TSPAN15: variants seen among roughly 807,000 people sequenced by gnomAD.
The protein encoded by TSPAN15 is tetraspanin-15.
A neutral mutation model predicts 34.5 loss-of-function variants in TSPAN15; 20 were observed. The ratio of observed to expected loss-of-function variants is 0.58; its 90% confidence interval spans 0.41 to 0.84. TSPAN15 has a LOEUF of 0.84. Ranked by LOEUF, TSPAN15 falls within the 40% of genes least tolerant of loss-of-function variation. TSPAN15 has a pLI of 0.00. For synonymous variants in TSPAN15, 155 were observed against 153.9 expected, an observed-to-expected ratio of 1.01 and a Z score of -0.05; for missense variants, 313 against 386.1, an observed-to-expected ratio of 0.81 and a Z score of 1.59.
At chr10:69,482,969 T>G (rs1017859136) in intron 1 of TSPAN15, among the ~76,000 whole-genome samples, 2 of 52,456 alleles carry the variant, frequency 3.8e-5, no homozygotes, top group African/African-American at 1.3e-4. Flanking sequence ...GGGTTGATTT[T>G]TTTTTTTTGT....
chr10:69,462,384 G>C (rs1841287601), intron 1 of TSPAN15, among the ~76,000 whole-genome samples: 1 of 151,846 alleles, frequency 6.6e-6, no homozygotes, highest in African/African-American at 2.4e-5. Flanking sequence ...GCCCAGGCTG[G>C]AGTGCAGTGG....
chr10:69,540,773 G>A, the TSPAN15 span, among the ~76,000 whole-genome samples: 1 of 152,172 alleles, frequency 6.6e-6, no homozygotes, highest in African/African-American at 2.4e-5. Flanking sequence ...AGATGTTCAG[G>A]AAATGGACCT....
At chr10:69,469,313 C>T (rs1444217730) in intron 1 of TSPAN15, among the ~76,000 whole-genome samples, 1 of 152,336 alleles carries the variant, frequency 6.6e-6, no homozygotes, top group East Asian at 1.9e-4. Context: ...TTGTAATACA[C>T]TGGTTAATAT....
intron 5 of TSPAN15, among the ~76,000 whole-genome samples, chr10:69,500,505 G>A (rs1173896035): frequency 1.3e-5 from 2 of 152,238 alleles, no homozygotes; most frequent in Non-Finnish European, 2.9e-5. Flanking sequence ...TGAGTCGGCA[G>A]GCTGGAGACC....
intron 1 of TSPAN15, among the ~76,000 whole-genome samples, chr10:69,460,538 G>A (rs1841229133): frequency 6.6e-6 from 1 of 151,912 alleles, no homozygotes; most frequent in East Asian, 2.0e-4. Flanking sequence ...GAAGGGCCCA[G>A]TCCCTGGAAA....
the TSPAN15 span, among the ~76,000 whole-genome samples, chr10:69,514,784 C>A: frequency 4.1e-4 from 63 of 152,318 alleles, no homozygotes; most frequent in African/African-American, 1.5e-3. Context: ...CCAGCTGGAC[C>A]ATTCTCATGA....
the TSPAN15 span, among the ~76,000 whole-genome samples, chr10:69,529,452 A>G: frequency 1.4e-5 from 2 of 147,712 alleles, no homozygotes; most frequent in Admixed American, 7.0e-5. Flanking sequence ...CTGTTAGAAA[A>G]TCCATGACTT....
chr10:69,465,637 GA>G (rs1030395262), intron 1 of TSPAN15, among the ~76,000 whole-genome samples: 1 of 152,178 alleles, frequency 6.6e-6, no homozygotes, highest in African/African-American at 2.4e-5. Flanking sequence ...TTGCACTTGG[GA>G]AAGAGATGCT....
At chr10:69,475,700 C>G (rs1397755708) in intron 1 of TSPAN15, among the ~76,000 whole-genome samples, 1 of 152,192 alleles carries the variant, frequency 6.6e-6, no homozygotes. Context: ...AATCAAGTAT[C>G]TGCAACTATT....
At chr10:69,514,710 T>C in the TSPAN15 span, among the ~76,000 whole-genome samples, 2 of 152,246 alleles carry the variant, frequency 1.3e-5, no homozygotes, top group Non-Finnish European at 2.9e-5. Context: ...AATTTGTCTT[T>C]TTTTCTCTTT....
the TSPAN15 span, among the ~76,000 whole-genome samples, chr10:69,538,059 C>T: frequency 6.6e-6 from 1 of 152,188 alleles, no homozygotes; most frequent in African/African-American, 2.4e-5. Flanking sequence ...CCTGGAGTCT[C>T]TTCTTATAAG....
intron 1 of TSPAN15, among the ~76,000 whole-genome samples, chr10:69,455,608 C>CTTTCTTTCTTTTTTTCTTTCTT (rs1428393903): frequency 1.0e-5 from 1 of 100,342 alleles, no homozygotes; most frequent in African/African-American, 4.0e-5. Context: ...TTCTTTCTTT[C>CTTTCTTTCTTTTTTTCTTTCTT]TCTCTCTCTC....
the TSPAN15 span, among the ~76,000 whole-genome samples, chr10:69,518,911 A>G: frequency 2.0e-5 from 3 of 152,172 alleles, no homozygotes; most frequent in Non-Finnish European, 4.4e-5. Flanking sequence ...TGGCCCACTC[A>G]CTGCCCACAG....
intron 1 of TSPAN15, 111 bp from the exon 2 acceptor site, chr10:69,483,580 T>C (rs1841784305): frequency 8.0e-7 from 1 of 1,242,976 alleles, no homozygotes; most frequent in African/African-American, 1.5e-5. Context: ...TTCTGTGCTG[T>C]AACCTGGGGC....
chr10:69,506,693 G>C lies in TSPAN15; in HGVS notation c.736-136G>C. 1.2e-6 allele frequency: 1 copy of C among 845,248 alleles called. No homozygotes were observed. The highest frequency in any genetic ancestry group is 1.9e-6 in the Non-Finnish European group (1 of 539,616). 52.4% of individuals were successfully genotyped at this position (845,248 alleles called of 1,614,324 possible). A position where few individuals can be genotyped will look rare whatever the true frequency, so the allele number is the denominator to read the frequency against. Reference sequence around the variant, plus strand: ...AGTGTGGGTGCTGGGAGAAGTCTCTGCTGTGGGTGTTGCCCAGGTCACACA... The same window carrying C: ...AGTGTGGGTGCTGGGAGAAGTCTCTCCTGTGGGTGTTGCCCAGGTCACACA... On this transcript the variant is annotated intron_variant, in intron 7 of 7. Coordinates refer to ENST00000373290, the MANE Select transcript of TSPAN15 (RefSeq NM_012339.5). The surrounding 1 kb of genome is among the most constrained non-coding windows in gnomAD (Gnocchi z 4.7).
At chr10:69,479,127 A>G (rs1841677551) in intron 1 of TSPAN15, among the ~76,000 whole-genome samples, 1 of 152,226 alleles carries the variant, frequency 6.6e-6, no homozygotes, top group Non-Finnish European at 1.5e-5. Flanking sequence ...ATAGAACGTA[A>G]TACAGGGCCT....
rs142837180 is a variant in TSPAN15 at position 69,506,876 on chromosome 10, C to T, written c.783C>T (p.Asp261=). 1.6e-5 allele frequency: 26 copies of T among 1,603,576 alleles called. No homozygotes were observed. The African/African-American group carries it at 3.3e-4, about 21-fold the overall frequency. Residue 261 remains aspartate (D), a synonymous_variant, in exon 8 of 8, where the codon GAC becomes GAT. Coordinates refer to ENST00000373290, the MANE Select transcript of TSPAN15 (RefSeq NM_012339.5). The surrounding 1 kb of genome is among the most constrained non-coding windows in gnomAD (Gnocchi z 4.7). ...LTLLYITRVE[D]IIMEHSVTDG... is the part of the protein sequence containing the mutation. ...TGCTGTACATCACCCGGGTGGAGGA[C>T]ATCATCATGGAGCACTCTGTCACTG... is the stretch of plus-strand genomic sequence containing the variant.
the TSPAN15 span, among the ~76,000 whole-genome samples, chr10:69,542,385 C>G: frequency 6.6e-6 from 1 of 152,202 alleles, no homozygotes. Flanking sequence ...CTGTTCCAAC[C>G]TCTGCCTGTT....
At chr10:69,536,094 T>A in the TSPAN15 span, among the ~76,000 whole-genome samples, 24 of 152,296 alleles carry the variant, frequency 1.6e-4, no homozygotes, top group Non-Finnish European at 2.8e-4. Flanking sequence ...GCCACCTTTT[T>A]GGGAATAAAA....
Sources: gnomAD v4.1 joint callset for allele counts (sites outside exome capture counted in the v4.1 genomes callset) on GRCh38, gnomAD v4.1.1 for gene constraint, Gnocchi (gnomAD v3.1) non-coding constraint, MANE v1.5 for transcripts, NCBI Gene and HGNC (gene_info 2026-07-23, HGNC 2026-07-21) for gene names.